Variants in BMAL1 observed in about 807,000 individuals in gnomAD.
The protein encoded by BMAL1 is basic helix-loop-helix ARNT like 1, also known as basic helix-loop-helix ARNT-like protein 1.
chr11:13,319,248 T>C, the BMAL1 span, among the ~76,000 whole-genome samples: 10 of 152,258 alleles, frequency 6.6e-5, no homozygotes, highest in Non-Finnish European at 5.9e-5. Context: ...TCGTTTTGTA[T>C]TGATAGACAC....
the BMAL1 span, among the ~76,000 whole-genome samples, chr11:13,358,904 C>T: frequency 6.6e-6 from 1 of 152,158 alleles, no homozygotes. Context: ...TCACATCTTG[C>T]CTATGTTTGT....
the BMAL1 span, among the ~76,000 whole-genome samples, chr11:13,330,012 G>A: frequency 1.3e-5 from 2 of 152,218 alleles, no homozygotes; most frequent in Non-Finnish European, 2.9e-5. Context: ...ACAGCTCAGG[G>A]TCTTAAATGC....
the BMAL1 span, among the ~76,000 whole-genome samples, chr11:13,351,500 A>G: frequency 2.6e-5 from 4 of 152,302 alleles, no homozygotes; most frequent in Non-Finnish European, 5.9e-5. Context: ...TCTAGGCTGG[A>G]GATATAAATT....
the BMAL1 span, among the ~76,000 whole-genome samples, chr11:13,367,539 A>G: frequency 2.0e-5 from 3 of 151,984 alleles, no homozygotes; most frequent in Non-Finnish European, 2.9e-5. Context: ...CGTCTCTACT[A>G]ATAATACAAA....
the BMAL1 span, among the ~76,000 whole-genome samples, chr11:13,330,179 G>GCT: frequency 1.3e-5 from 2 of 152,178 alleles, no homozygotes; most frequent in South Asian, 4.1e-4. Flanking sequence ...TTGATTCCTT[G>GCT]CTACAGGGCA....
the BMAL1 span, chr11:13,385,632 T>G: frequency 9.7e-6 from 13 of 1,334,198 alleles, no homozygotes; most frequent in Non-Finnish European, 1.4e-5. Flanking sequence ...TCATTTTCCT[T>G]TTGGCATTGC....
At chr11:13,290,803 C>A in the BMAL1 span, among the ~76,000 whole-genome samples, 1 of 152,016 alleles carries the variant, frequency 6.6e-6, no homozygotes, top group African/African-American at 2.4e-5. Context: ...AGTCTCAGTC[C>A]AGTGCCCAGC....
chr11:13,356,101 C>G, the BMAL1 span, among the ~76,000 whole-genome samples: 191 of 152,224 alleles, frequency 1.3e-3, 1 homozygote, highest in African/African-American at 4.5e-3. Context: ...GAGGGAGATC[C>G]TTGCTGTGAC....
chr11:13,356,742 A>G, the BMAL1 span: 1 of 1,614,080 alleles, frequency 6.2e-7, no homozygotes, highest in South Asian at 1.1e-5. Context: ...TTTTCAGAGA[A>G]AGCATGGACA....
the BMAL1 span, among the ~76,000 whole-genome samples, chr11:13,326,621 A>G: frequency 4.6e-5 from 7 of 152,306 alleles, no homozygotes; most frequent in Middle Eastern, 3.4e-3. Flanking sequence ...TTGATTCTCA[A>G]CTAGCTGGGG....
At chr11:13,384,336 AAT>A in the BMAL1 span, among the ~76,000 whole-genome samples, 1 of 152,210 alleles carries the variant, frequency 6.6e-6, no homozygotes, top group Non-Finnish European at 1.5e-5. Context: ...GAAATGTGTC[AAT>A]ATATAGAAGA....
chr11:13,324,279 G>A, the BMAL1 span, among the ~76,000 whole-genome samples: 1 of 152,278 alleles, frequency 6.6e-6, no homozygotes, highest in South Asian at 2.1e-4. Context: ...TCTTTGGAAT[G>A]GAATCTAAAC....
chr11:13,276,946 A>C, the BMAL1 span: 1 of 152,226 alleles, frequency 6.6e-6, no homozygotes. Flanking sequence ...ACTCTTCAGT[A>C]AGTGGTCAAA....
the BMAL1 span, among the ~76,000 whole-genome samples, chr11:13,297,089 G>A: frequency 6.6e-6 from 1 of 152,156 alleles, no homozygotes; most frequent in Non-Finnish European, 1.5e-5. Context: ...TCCAGTTTGC[G>A]CTGTAGTAAG....
chr11:13,297,437 C>CGCT, the BMAL1 span, among the ~76,000 whole-genome samples: 1 of 152,198 alleles, frequency 6.6e-6, no homozygotes, highest in Admixed American at 6.5e-5. Flanking sequence ...GGGTTCTTCT[C>CGCT]GCTGCCTGTG....
the BMAL1 span, among the ~76,000 whole-genome samples, chr11:13,340,284 G>A: frequency 2.1e-4 from 32 of 152,192 alleles, no homozygotes; most frequent in African/African-American, 7.5e-4. Flanking sequence ...GAATCCCTGG[G>A]GCAGCCCACC....
At chr11:13,322,235 A>G in the BMAL1 span, among the ~76,000 whole-genome samples, 7 of 151,964 alleles carry the variant, frequency 4.6e-5, no homozygotes, top group Non-Finnish European at 7.4e-5. Context: ...TCTGTCTCCA[A>G]CTCCTGAGTG....
the BMAL1 span, among the ~76,000 whole-genome samples, chr11:13,290,605 C>A: frequency 2.0e-5 from 3 of 150,302 alleles, no homozygotes; most frequent in Non-Finnish European, 4.4e-5. Context: ...ATAGCAGTAT[C>A]TAACCTTGAC....
chr11:13,325,747 A>G, the BMAL1 span, among the ~76,000 whole-genome samples: 1 of 151,224 alleles, frequency 6.6e-6, no homozygotes, highest in African/African-American at 2.4e-5. Flanking sequence ...AATTTTGATG[A>G]AAACCTTTTC....
Sources: gnomAD v4.1 joint callset for allele counts (sites outside exome capture counted in the v4.1 genomes callset) on GRCh38, gnomAD v4.1.1 for gene constraint, MANE v1.5 for transcripts, NCBI Gene and HGNC (gene_info 2026-07-23, HGNC 2026-07-21) for gene names.